UNK: variants seen among roughly 807,000 people sequenced by gnomAD.
The protein encoded by UNK is unk zinc finger.
In UNK, 32 loss-of-function variants were observed where a neutral mutation model predicts 97.6. The observed-to-expected ratio is 0.33, with a 90% CI of 0.25 to 0.44. The LOEUF (loss-of-function observed/expected upper bound fraction) is 0.44. Ranked by LOEUF, UNK falls within the 20% of genes least tolerant of loss-of-function variation. The probability of loss-of-function intolerance (pLI) is 1.00; values close to 1 mark genes in which losing one functional copy is unlikely to be tolerated. For synonymous variants in UNK, 441 were observed against 461.2 expected (o/e 0.96, Z 0.56); for missense variants, 771 against 1,098.4 (o/e 0.70, Z 4.21).
chr17:75,786,781 C>A (rs1439158902), intron 1 of UNK, among the ~76,000 whole-genome samples: 1 of 152,092 alleles, frequency 6.6e-6, no homozygotes, highest in African/African-American at 2.4e-5. Flanking sequence ...CGCTTGAACC[C>A]GGGAGGCGGA....
Position 75,819,922 on chromosome 17 carries a change from G to A in UNK, c.1651G>A (p.Gly551Ser), listed in dbSNP as rs1030931962. Residue 551 changes from glycine to serine, a missense_variant and splice_region_variant, in exon 13 of 16, where the codon GGC becomes AGC. Physicochemically the swap from Gly to Ser is moderately conservative, Grantham distance 56. Around this residue, in one of 5 missense-constraint regions of UNK, gnomAD observed 91 missense variants for 173.1 expected, o/e 0.53. Transcript: ENST00000589666. The surrounding 1 kb of genome is among the most constrained non-coding windows in gnomAD (Gnocchi z 5.4). ...VPHPGSITIG[G>S]SLLQSSAPVN... ...TCCTCCCCGGGCCTCTCTTGCAGGC[G>A]GCAGCTTGCTGCAGAGCTCTGCACC... 10 of 1,607,250 alleles carry A rather than the reference G, an allele frequency of 6.2e-6. No homozygotes were observed. Among genetic ancestry groups the A allele is most frequent in the African/African-American group, 4.0e-5 (3 of 74,774 alleles).
Position 75,785,097 on chromosome 17 carries a change from T to A in UNK, c.104+113T>A, listed in dbSNP as rs921420903. The stretch of plus-strand genomic sequence containing the variant: ...GGCCTCTTCCTCCCCCCCTTCCTCC[T>A]CCGGCCCGGCCCAGACCGGTTCCAA... On this transcript the variant is annotated intron_variant, in intron 1 of 15. Transcript: ENST00000589666. The A allele has an allele frequency of 7.5e-5, 46 of 610,588 alleles. No individual in the cohort carries two copies. The African/African-American group carries it at 7.6e-4, about 10-fold the overall frequency. 37.8% of individuals were successfully genotyped at this position (610,588 alleles called of 1,614,324 possible). A position where few individuals can be genotyped will look rare whatever the true frequency, so the allele number is the denominator to read the frequency against.
At position 75,822,484 on chromosome 17, in the gene UNK, C is replaced by T. The variant is rs537966624; in HGVS notation, c.1845C>T (p.Asn615=). Residue 615 remains asparagine (N), a synonymous_variant, in exon 14 of 16, where the codon AAC becomes AAT. Transcript: ENST00000589666. ...TTCCCCTCCTTGGGGCAGGTCTGAA[C>T]GGGATGAACAGCAGCATCTGGGAGC... ...TSASHGSLGL[N]GMNSSIWEHF... is the part of the protein sequence containing the mutation. 1.6e-5 allele frequency: 25 copies of T among 1,611,576 alleles called. 1 individual carries two copies. Among genetic ancestry groups the T allele is most frequent in the African/African-American group, 6.7e-5 (5 of 75,016 alleles).
At position 75,818,186 on chromosome 17, in the gene UNK, C is replaced by T. The variant is rs760361451; in HGVS notation, c.1371+18C>T. The T allele has an allele frequency of 3.1e-6, 5 of 1,612,972 alleles. No homozygotes were observed. Among genetic ancestry groups the T allele is most frequent in the Non-Finnish European group, 4.2e-6 (5 of 1,179,592 alleles). On this transcript the variant is annotated intron_variant, in intron 10 of 15. Transcript: ENST00000589666. The surrounding 1 kb of genome is among the most constrained non-coding windows in gnomAD (Gnocchi z 5.1). The stretch of plus-strand genomic sequence containing the variant: ...CCAAACAGGTATAGAGCTCTCAGCC[C>T]CCTTCCTCCCCTCTGCTGTGGACAG...
chr17:75,792,960 G>A (rs2143684607), intron 1 of UNK, among the ~76,000 whole-genome samples: 1 of 152,380 alleles, frequency 6.6e-6, no homozygotes, highest in East Asian at 1.9e-4. Flanking sequence ...TTTGCGCAAA[G>A]CTCCTTGGTG....
At chr17:75,795,172 A>C (rs1476378472) in intron 1 of UNK, among the ~76,000 whole-genome samples, 1 of 152,090 alleles carries the variant, frequency 6.6e-6, no homozygotes, top group Non-Finnish European at 1.5e-5. Context: ...AAACTGACCC[A>C]TGCAGTTTAG....
At chr17:75,792,581 T>G in intron 1 of UNK, 1 of 701,264 alleles carries the variant, frequency 1.4e-6, no homozygotes, top group Non-Finnish European at 1.8e-6. Context: ...ACAATGTAGC[T>G]TCTTGTTTTC....
intron 2 of UNK, among the ~76,000 whole-genome samples, chr17:75,810,304 C>A (rs751620153): frequency 2.0e-5 from 3 of 152,222 alleles, no homozygotes; most frequent in Non-Finnish European, 1.5e-5. Flanking sequence ...TTAGAGAGAG[C>A]GCCTCACTGG....
rs545478129 is a variant in UNK, at chr17:75,811,996, AAAAC to A, written c.315-105_315-102del. 187 of 1,321,970 alleles carry A rather than the reference AAAAC, an allele frequency of 1.4e-4. 1 individual carries two copies. The South Asian group carries it at 1.5e-3, about 10-fold the overall frequency. The allele number at this position is 1,321,970 out of a possible 1,614,324, so 81.9% of individuals were successfully genotyped here. ...CAAGACTCCGTCTCAAAAACAAAAC[AAAAC>A]AAACAAACAACAACAACAACAACAA... is the stretch of plus-strand genomic sequence containing the variant. On this transcript the variant is annotated intron_variant, in intron 2 of 15. Coordinates refer to ENST00000589666, the MANE Select transcript of UNK (RefSeq NM_001080419.3).
chr17:75,803,748 G>A (rs747960915), intron 1 of UNK, among the ~76,000 whole-genome samples: 8 of 152,172 alleles, frequency 5.3e-5, no homozygotes, highest in Non-Finnish European at 1.0e-4. Flanking sequence ...GATGTGCCCT[G>A]CCGCGCAGTA....
intron 1 of UNK, chr17:75,792,454 T>G (rs2061770879): frequency 1.0e-6 from 1 of 985,462 alleles, no homozygotes; most frequent in South Asian, 4.7e-5. Context: ...TCACACTAAT[T>G]GTTATGTGAA....
At chr17:75,805,705 G>A (rs1198463175) in intron 1 of UNK, among the ~76,000 whole-genome samples, 1 of 151,932 alleles carries the variant, frequency 6.6e-6, no homozygotes, top group Non-Finnish European at 1.5e-5. Flanking sequence ...GGCTGAGGTG[G>A]GAGGATCACT....
At chr17:75,805,740 G>A (rs2061906750) in intron 1 of UNK, among the ~76,000 whole-genome samples, 1 of 152,098 alleles carries the variant, frequency 6.6e-6, no homozygotes, top group Admixed American at 6.6e-5. Flanking sequence ...TAAGGCTGCA[G>A]TGAGCCCTGC....
At chr17:75,809,990 T>G (rs2061953631) in intron 2 of UNK, 21 bp downstream of exon 2, 1 of 1,612,342 alleles carries the variant, frequency 6.2e-7, no homozygotes, top group East Asian at 2.2e-5. Context: ...CAGCCTGTCC[T>G]CAGAGGAGCC....
Position 75,816,906 on chromosome 17 carries a change from C to A in UNK, c.1098C>A (p.Leu366=). The A allele has an allele frequency of 6.2e-7, 1 of 1,602,428 alleles. No individual in the cohort carries two copies. ...VSPSSPHAPD[L]SALLCRNSSL... ...CCTCCAGCCCGCATGCCCCTGACCT[C>A]AGTGCCGTACGTGTCCATCCTGGGG... is the stretch of plus-strand genomic sequence containing the variant. Residue 366 remains leucine, a synonymous_variant, in exon 8 of 16, where the codon CTC becomes CTA. Transcript: ENST00000589666. This position sits in a 1 kb window ranked among gnomAD's most constrained non-coding sequence, Gnocchi z 4.0.
At chr17:75,804,537 T>C (rs2061892690) in intron 1 of UNK, among the ~76,000 whole-genome samples, 1 of 151,536 alleles carries the variant, frequency 6.6e-6, no homozygotes, top group Non-Finnish European at 1.5e-5. Flanking sequence ...AAGAGAAGTA[T>C]TAAGATTAAT....
intron 1 of UNK, among the ~76,000 whole-genome samples, chr17:75,789,153 C>T (rs565032280): frequency 6.6e-6 from 1 of 151,858 alleles, no homozygotes; most frequent in Non-Finnish European, 1.5e-5. Context: ...TTAAGGGAAA[C>T]TTTGGAATAA....
chr17:75,802,167 A>G (rs2061866030), intron 1 of UNK, among the ~76,000 whole-genome samples: 2 of 140,540 alleles, frequency 1.4e-5, no homozygotes, highest in African/African-American at 5.3e-5. Context: ...TTTTCTGACC[A>G]TTGCTTGCTT....
chr17:75,794,443 C>T (rs1334028341), intron 1 of UNK, among the ~76,000 whole-genome samples: 1 of 152,052 alleles, frequency 6.6e-6, no homozygotes, highest in Non-Finnish European at 1.5e-5. Context: ...TCGAGACCAG[C>T]CTGGCCAACA....
Sources: allele counts gnomAD v4.1 joint callset (sites outside exome capture counted in the v4.1 genomes callset), GRCh38; gene constraint gnomAD v4.1.1; regional missense constraint gnomAD v4.1.1; non-coding constraint Gnocchi (gnomAD v3.1); transcripts MANE v1.5; gene names NCBI Gene and HGNC (gene_info 2026-07-23, HGNC 2026-07-21).